CFAP263: variants seen among roughly 807,000 people sequenced by gnomAD.
CFAP263 encodes cilia- and flagella-associated protein 263.
chr16:58,280,271 T>C, the CFAP263 span: 1 of 1,613,912 alleles, frequency 6.2e-7, no homozygotes, highest in Middle Eastern at 1.7e-4. Flanking sequence ...ACCAAGATGA[T>C]TTCTTCGGGC....
the CFAP263 span, among the ~76,000 whole-genome samples, chr16:58,253,230 A>C: frequency 1.3e-5 from 2 of 152,158 alleles, no homozygotes; most frequent in East Asian, 3.9e-4. Flanking sequence ...AAAATTCTTA[A>C]ATTAGCCAGA....
At chr16:58,252,731 G>GT in the CFAP263 span, 57 of 1,613,318 alleles carry the variant, frequency 3.5e-5, no homozygotes, top group Non-Finnish European at 4.8e-5. Flanking sequence ...TTGCAGCTAT[G>GT]TAAACTCTGC....
At chr16:58,260,073 A>T in the CFAP263 span, 1 of 576,106 alleles carries the variant, frequency 1.7e-6, no homozygotes, top group Non-Finnish European at 3.1e-6. Flanking sequence ...CATGGCAAAA[A>T]GGATTTTGCA....
the CFAP263 span, among the ~76,000 whole-genome samples, chr16:58,258,790 C>T: frequency 6.6e-6 from 1 of 151,892 alleles, no homozygotes; most frequent in South Asian, 2.1e-4. Context: ...ACCAGCCTGG[C>T]CAACATGGTG....
the CFAP263 span, among the ~76,000 whole-genome samples, chr16:58,258,965 A>G: frequency 6.6e-6 from 1 of 151,776 alleles, no homozygotes. Context: ...GCAGCAGAGC[A>G]AGACTCCGTC....
chr16:58,265,758 A>G, the CFAP263 span, among the ~76,000 whole-genome samples: 1 of 152,250 alleles, frequency 6.6e-6, no homozygotes, highest in Non-Finnish European at 1.5e-5. Flanking sequence ...AAGTGAATGC[A>G]GTCCTTTACA....
chr16:58,267,428 G>A, the CFAP263 span: 12 of 1,202,282 alleles, frequency 1.0e-5, no homozygotes, highest in Admixed American at 3.6e-5. Flanking sequence ...CCCTTCCTGC[G>A]GTTCTGAGAG....
At chr16:58,254,848 G>T in the CFAP263 span, among the ~76,000 whole-genome samples, 1 of 151,962 alleles carries the variant, frequency 6.6e-6, no homozygotes, top group African/African-American at 2.4e-5. Flanking sequence ...CTCATGATCC[G>T]CCTGCCTCGG....
chr16:58,259,209 C>T, the CFAP263 span, among the ~76,000 whole-genome samples: 1 of 152,162 alleles, frequency 6.6e-6, no homozygotes, highest in South Asian at 2.1e-4. Flanking sequence ...ACAGGTAAAT[C>T]TCTTTTTCAA....
At chr16:58,273,963 A>G in the CFAP263 span, among the ~76,000 whole-genome samples, 1 of 152,228 alleles carries the variant, frequency 6.6e-6, no homozygotes, top group African/African-American at 2.4e-5. Context: ...CCTGACGACC[A>G]GGGATAATTG....
At chr16:58,270,206 T>C in the CFAP263 span, among the ~76,000 whole-genome samples, 74 of 152,314 alleles carry the variant, frequency 4.9e-4, no homozygotes, top group East Asian at 0.014. Context: ...CATTGTAAGT[T>C]GAAAATATCA....
the CFAP263 span, among the ~76,000 whole-genome samples, chr16:58,256,852 G>A: frequency 6.6e-6 from 1 of 151,890 alleles, no homozygotes; most frequent in Non-Finnish European, 1.5e-5. Context: ...GTGTGTGTGT[G>A]TGTTCTTATT....
the CFAP263 span, chr16:58,278,350 C>T: frequency 1.2e-6 from 1 of 835,254 alleles, no homozygotes; most frequent in Non-Finnish European, 1.8e-6. Context: ...CACCCCTCCC[C>T]AACCTCTTTG....
the CFAP263 span, among the ~76,000 whole-genome samples, chr16:58,260,666 C>T: frequency 6.6e-6 from 1 of 152,130 alleles, no homozygotes; most frequent in South Asian, 2.1e-4. Flanking sequence ...TGGTTCCATC[C>T]TTTCCTAGCT....
chr16:58,262,441 G>C, the CFAP263 span: 1 of 1,613,526 alleles, frequency 6.2e-7, no homozygotes, highest in Non-Finnish European at 8.5e-7. Context: ...TGAAGATAGA[G>C]AACGCTCAAT....
At chr16:58,255,978 A>G in the CFAP263 span, among the ~76,000 whole-genome samples, 1 of 152,250 alleles carries the variant, frequency 6.6e-6, no homozygotes, top group Non-Finnish European at 1.5e-5. Context: ...GAGAAGAAAC[A>G]TCACTGTTAA....
the CFAP263 span, chr16:58,279,691 A>G: frequency 6.4e-7 from 1 of 1,566,496 alleles, no homozygotes; most frequent in Non-Finnish European, 8.6e-7. Flanking sequence ...TTTTTTGCAG[A>G]TGTCCTTAAA....
At chr16:58,274,185 A>G in the CFAP263 span, among the ~76,000 whole-genome samples, 1 of 152,238 alleles carries the variant, frequency 6.6e-6, no homozygotes, top group Non-Finnish European at 1.5e-5. Flanking sequence ...CCAGTCTTTG[A>G]GGCTTGCTCC....
the CFAP263 span, among the ~76,000 whole-genome samples, chr16:58,279,280 A>T: frequency 6.6e-6 from 1 of 152,050 alleles, no homozygotes; most frequent in Admixed American, 6.6e-5. Context: ...TCACTTGGAA[A>T]ACTGGTACCT....
Sources: allele counts gnomAD v4.1 joint callset (sites outside exome capture counted in the v4.1 genomes callset), GRCh38; gene constraint gnomAD v4.1.1; transcripts MANE v1.5; gene names NCBI Gene and HGNC (gene_info 2026-07-23, HGNC 2026-07-21).